Variants in PHLPP1 observed in about 807,000 individuals in gnomAD.
The protein encoded by PHLPP1 is PH domain leucine-rich repeat-containing protein phosphatase 1.
Under a neutral mutation model 117.2 loss-of-function variants are expected in PHLPP1, and 42 were observed. That is an observed-to-expected ratio of 0.36 (90% CI 0.28 to 0.46). The LOEUF is 0.46. Among genes scored for constraint, PHLPP1 ranks in the 20% least tolerant of loss-of-function variants. PHLPP1 has a pLI of 1.00. For synonymous variants in PHLPP1, 1,042 were observed against 970.7 expected (o/e 1.07, Z -1.37); for missense variants, 2,084 against 2,241.9 (o/e 0.93, Z 1.42).
chr18:62,788,975 A>G (rs1913380604), intron 1 of PHLPP1, among the ~76,000 whole-genome samples: 1 of 152,304 alleles, frequency 6.6e-6, no homozygotes, highest in South Asian at 2.1e-4. Flanking sequence ...ACCCAGCTTA[A>G]CGTGCAATGG....
chr18:62,973,890 G>A (rs1296571882), intron 15 of PHLPP1, among the ~76,000 whole-genome samples: 1 of 152,158 alleles, frequency 6.6e-6, no homozygotes, highest in Admixed American at 6.5e-5. Flanking sequence ...GGGCTAATAG[G>A]TAGTGCAGCC....
chr18:62,978,843 T>C lies in PHLPP1; in HGVS notation c.4566T>C (p.Cys1522=), dbSNP rs1456207675. The C allele has an allele frequency of 1.2e-6, 2 of 1,608,374 alleles. No homozygotes were observed. Among genetic ancestry groups the C allele is most frequent in the East Asian group, 2.2e-5 (1 of 44,530 alleles). The change falls in exon 17 of 17, where the codon TGT becomes TGC. Residue 1522 remains cysteine, a synonymous_variant. Transcript: ENST00000262719. The surrounding 1 kb of genome is among the most constrained non-coding windows in gnomAD (Gnocchi z 7.0). ...AGCGCTGCATGCTCCACCCCATCTG[T>C]CTGTCCAACTCCTTCCAGCGCCAGC... ...SEQRCMLHPI[C]LSNSFQRQLS...
At chr18:62,726,224 A>T (rs1283687763) in intron 1 of PHLPP1, among the ~76,000 whole-genome samples, 1 of 151,852 alleles carries the variant, frequency 6.6e-6, no homozygotes, top group Non-Finnish European at 1.5e-5. Flanking sequence ...AGGGTAACTG[A>T]TCCTGGGGAA....
At chr18:62,969,373 G>A (rs995488309) in intron 14 of PHLPP1, among the ~76,000 whole-genome samples, 6 of 151,988 alleles carry the variant, frequency 3.9e-5, no homozygotes, top group South Asian at 4.2e-4. Context: ...CACTAATATC[G>A]TTGGAGAACA....
At chr18:62,791,274 T>C (rs1433924562) in intron 1 of PHLPP1, among the ~76,000 whole-genome samples, 1 of 152,180 alleles carries the variant, frequency 6.6e-6, no homozygotes, top group African/African-American at 2.4e-5. Context: ...GACTTGCTCA[T>C]CTGCTTGGAG....
chr18:62,821,548 CCAAAAAAAAAA>C (rs1296594066), intron 1 of PHLPP1, among the ~76,000 whole-genome samples: 1 of 29,322 alleles, frequency 3.4e-5, no homozygotes, highest in Non-Finnish European at 6.4e-5. Flanking sequence ...GACCCTTTAT[CCAAAAAAAAAA>C]AAAAAAAAAA....
chr18:62,903,191 G>A (rs762530923), intron 7 of PHLPP1, 25 bp downstream of exon 7: 19 of 1,518,052 alleles, frequency 1.3e-5, no homozygotes, highest in Non-Finnish European at 1.7e-5. Flanking sequence ...CTACATCAAA[G>A]TTGCTCTTTT....
At chr18:62,744,594 G>A (rs1408805621) in intron 1 of PHLPP1, among the ~76,000 whole-genome samples, 1 of 152,198 alleles carries the variant, frequency 6.6e-6, no homozygotes, top group African/African-American at 2.4e-5. Context: ...TTGGTGTATA[G>A]TAGGTGCTCA....
chr18:62,766,076 A>AAAAAAAAAAATATAT, intron 1 of PHLPP1, among the ~76,000 whole-genome samples: 3 of 21,664 alleles, frequency 1.4e-4, no homozygotes, highest in Non-Finnish European at 2.5e-4. Context: ...AAAAAAAAAA[A>AAAAAAAAAAATATAT]ATATATATAT....
At chr18:62,879,603 G>GT (rs1185490913) in intron 4 of PHLPP1, among the ~76,000 whole-genome samples, 2 of 152,052 alleles carry the variant, frequency 1.3e-5, no homozygotes, top group African/African-American at 2.4e-5. Flanking sequence ...AGTAGACAGG[G>GT]TTCACCGTGT....
chr18:62,798,970 T>A (rs567327373), intron 1 of PHLPP1, among the ~76,000 whole-genome samples: 1 of 152,224 alleles, frequency 6.6e-6, no homozygotes, highest in South Asian at 2.1e-4. Context: ...TTTTAGCAAT[T>A]AGACTTAAGC....
intron 8 of PHLPP1, among the ~76,000 whole-genome samples, chr18:62,913,717 A>G (rs1448062159): frequency 1.7e-4 from 25 of 147,468 alleles, no homozygotes; most frequent in Non-Finnish European, 2.7e-4. Flanking sequence ...TAAAGACACC[A>G]TTAGTTTAGT....
intron 1 of PHLPP1, among the ~76,000 whole-genome samples, chr18:62,793,214 C>T (rs947950687): frequency 6.6e-6 from 1 of 152,210 alleles, no homozygotes; most frequent in Non-Finnish European, 1.5e-5. Flanking sequence ...TAAAGCTTAT[C>T]GAGTGAATGT....
In PHLPP1 at chr18:62,978,549, C is replaced by A. The variant is rs935121217; in HGVS notation, c.4272C>A (p.Val1424=). 6.8e-6 allele frequency: 11 copies of A among 1,612,050 alleles called. No homozygotes were observed. Among genetic ancestry groups the A allele is most frequent in the Non-Finnish European group, 9.3e-6 (11 of 1,179,216 alleles). The change falls in exon 17 of 17, where the codon GTC becomes GTA. Residue 1424 remains valine (V), a synonymous_variant. Transcript: ENST00000262719. This position sits in a 1 kb window ranked among gnomAD's most constrained non-coding sequence, Gnocchi z 7.0. ...SISAVVVQLS[V]TEDSFCCCEL... is the part of the protein sequence containing the mutation. ...GCGCTGTGGTGGTGCAGCTCAGTGT[C>A]ACTGAGGACAGCTTCTGCTGCTGCG...
rs978944405 is a variant in PHLPP1, at chr18:62,734,761, T to C, written c.1576+17502T>C. On this transcript the variant is annotated intron_variant, in intron 1 of 16. Transcript: ENST00000262719. Reference sequence around the variant, plus strand: ...CCATCTATTATTAAATAACACCTATTTGCCCTCTGTGAAAATTTTTACAGA... The same window carrying C: ...CCATCTATTATTAAATAACACCTATCTGCCCTCTGTGAAAATTTTTACAGA... 6.6e-5 allele frequency among the ~76,000 whole-genome samples: 10 copies of C among 152,220 alleles called. No individual in the cohort carries two copies. In the South Asian group the frequency reaches 8.3e-4, roughly 13 times the overall value.
intron 4 of PHLPP1, among the ~76,000 whole-genome samples, chr18:62,881,038 TTTAA>T (rs1349999941): frequency 1.3e-5 from 2 of 152,244 alleles, no homozygotes; most frequent in African/African-American, 4.8e-5. Context: ...TTTGAATTAC[TTTAA>T]TTATTATTTT....
chr18:62,764,663 A>G (rs1272446970), intron 1 of PHLPP1, among the ~76,000 whole-genome samples: 1 of 152,182 alleles, frequency 6.6e-6, no homozygotes, highest in Non-Finnish European at 1.5e-5. Flanking sequence ...GAGCACCAAA[A>G]TGGGGATGCT....
chr18:62,892,822 G>T (rs1345664727), intron 4 of PHLPP1, among the ~76,000 whole-genome samples: 3 of 149,030 alleles, frequency 2.0e-5, no homozygotes, highest in African/African-American at 7.4e-5. Flanking sequence ...CTTGCAGTGA[G>T]CCGAGATCGC....
At chr18:62,866,583 C>T (rs7234377) in intron 4 of PHLPP1, among the ~76,000 whole-genome samples, 11,659 of 152,058 alleles carry the variant, frequency 0.077, 675 homozygotes, top group East Asian at 0.19. Context: ...TAGTTAATGC[C>T]GATGAATGTT....
Sources: allele counts gnomAD v4.1 joint callset (sites outside exome capture counted in the v4.1 genomes callset), GRCh38; gene constraint gnomAD v4.1.1; non-coding constraint Gnocchi (gnomAD v3.1); transcripts MANE v1.5; gene names NCBI Gene and HGNC (gene_info 2026-07-23, HGNC 2026-07-21).